The following VTCN1 variants were observed in gnomAD, a reference collection of about 807,000 sequenced individuals.
VTCN1 encodes the protein V-set domain containing T cell activation inhibitor 1.
A neutral mutation model predicts 26.5 loss-of-function variants in VTCN1; 26 were observed. That is an observed-to-expected ratio of 0.98 (90% CI 0.72 to 1.36). The LOEUF (loss-of-function observed/expected upper bound fraction) is 1.36. VTCN1 is among the 40% of genes most tolerant of loss of function. The pLI is 0.00. For missense variants in VTCN1, 298 were observed against 337.7 expected, an observed-to-expected ratio of 0.88 and a Z score of 0.92; for synonymous variants, 116 against 130.7, an observed-to-expected ratio of 0.89 and a Z score of 0.77.
chr1:117,166,955 T>G (rs970526700), intron 2 of VTCN1, among the ~76,000 whole-genome samples: 22 of 151,854 alleles, frequency 1.4e-4, no homozygotes, highest in Non-Finnish European at 5.9e-5. Context: ...TAGCCAGGTG[T>G]GGTGGTGCAC....
chr1:117,156,551 ATC>A (rs1557861716), intron 3 of VTCN1, 21 bp downstream of exon 3: 1 of 1,530,854 alleles, frequency 6.5e-7, no homozygotes. Context: ...GCTTTAAAAA[ATC>A]TCTCTCCAAA....
intron 2 of VTCN1, 39 bp downstream of exon 2, chr1:117,170,068 A>G (rs1462838577): frequency 1.9e-6 from 3 of 1,576,004 alleles, no homozygotes; most frequent in Admixed American, 1.7e-5. Context: ...TTTAATGGTG[A>G]GGGGTGAATA....
At chr1:117,205,886 C>T (rs75515636) in intron 1 of VTCN1, among the ~76,000 whole-genome samples, 341 of 152,102 alleles carry the variant, frequency 2.2e-3, no homozygotes, top group African/African-American at 7.9e-3. Context: ...ATAGTCGCAT[C>T]GCTCCAATTG....
chr1:117,207,278 G>A (rs1362354147), intron 1 of VTCN1, among the ~76,000 whole-genome samples: 1 of 152,098 alleles, frequency 6.6e-6, no homozygotes, highest in Non-Finnish European at 1.5e-5. Context: ...CCTGTGACAT[G>A]TTTTTATCAA....
chr1:117,191,979 A>G (rs1648267062), intron 1 of VTCN1, among the ~76,000 whole-genome samples: 1 of 151,374 alleles, frequency 6.6e-6, no homozygotes. Flanking sequence ...AGGGAAATGT[A>G]GTAGTTGAAA....
intron 1 of VTCN1, among the ~76,000 whole-genome samples, chr1:117,173,017 T>A (rs1162787682): frequency 6.6e-6 from 1 of 152,208 alleles, no homozygotes; most frequent in Non-Finnish European, 1.5e-5. Flanking sequence ...CAGTAAATCT[T>A]GCTGCTGCTC....
intron 4 of VTCN1, among the ~76,000 whole-genome samples, chr1:117,151,168 G>C (rs986915787): frequency 6.6e-6 from 1 of 151,510 alleles, no homozygotes; most frequent in Non-Finnish European, 1.5e-5. Flanking sequence ...GTGTAAGTGT[G>C]AGCCACCATG....
At chr1:117,165,019 T>G (rs1490363251) in intron 2 of VTCN1, among the ~76,000 whole-genome samples, 1 of 152,242 alleles carries the variant, frequency 6.6e-6, no homozygotes, top group African/African-American at 2.4e-5. Flanking sequence ...TTTCTTTCTG[T>G]ATTGGGGAAA....
chr1:117,170,392 C>T (rs573166337), intron 1 of VTCN1: 1 of 634,794 alleles, frequency 1.6e-6, no homozygotes, highest in Admixed American at 2.0e-5. Flanking sequence ...AAAAGAGTGA[C>T]CCTTGCCTCT....
chr1:117,184,604 C>A (rs1054965842), intron 1 of VTCN1, among the ~76,000 whole-genome samples: 2 of 152,112 alleles, frequency 1.3e-5, no homozygotes, highest in African/African-American at 4.8e-5. Context: ...ATACTTACAG[C>A]ATATTTCTGA....
intron 1 of VTCN1, among the ~76,000 whole-genome samples, chr1:117,182,365 A>G (rs2101558212): frequency 6.6e-6 from 1 of 152,300 alleles, no homozygotes; most frequent in East Asian, 1.9e-4. Context: ...GCTGGGACCT[A>G]CATTCTCATA....
At chr1:117,172,461 A>AC (rs1271652826) in intron 1 of VTCN1, 1 of 518,728 alleles carries the variant, frequency 1.9e-6, no homozygotes, top group Admixed American at 1.9e-5. Context: ...ACAGCTAGAT[A>AC]AAGTCATAGC....
At chr1:117,188,019 G>C (rs957153779) in intron 1 of VTCN1, among the ~76,000 whole-genome samples, 2 of 152,160 alleles carry the variant, frequency 1.3e-5, no homozygotes, top group East Asian at 1.9e-4. Flanking sequence ...GGTAGGAAAA[G>C]ATTTGGGAAG....
At chr1:117,166,654 C>CAA (rs34933727) in intron 2 of VTCN1, among the ~76,000 whole-genome samples, 5 of 73,112 alleles carry the variant, frequency 6.8e-5, no homozygotes, top group African/African-American at 1.0e-4. Flanking sequence ...TACTCTGTCT[C>CAA]AAAAAAAAAA....
intron 1 of VTCN1, among the ~76,000 whole-genome samples, chr1:117,182,049 C>T (rs942195696): frequency 2.0e-5 from 3 of 152,328 alleles, no homozygotes; most frequent in South Asian, 4.1e-4. Flanking sequence ...CTGGCTGCTT[C>T]TCGGAAAGCC....
chr1:117,150,815 C>T (rs1358190570), intron 4 of VTCN1, among the ~76,000 whole-genome samples: 1 of 152,202 alleles, frequency 6.6e-6, no homozygotes, highest in East Asian at 1.9e-4. Flanking sequence ...CACCATTCTA[C>T]TTTCTGTTTC....
chr1:117,147,645 T>G lies in VTCN1; in HGVS notation c.*13A>C, dbSNP rs1452603523. The G allele has an allele frequency of 1.2e-6, 2 of 1,608,932 alleles. No individual in the cohort carries two copies. Among genetic ancestry groups the G allele is most frequent in the African/African-American group, 2.7e-5 (2 of 74,518 alleles). On this transcript the variant is annotated 3_prime_UTR_variant, in exon 5 of 6. Transcript: ENST00000369458. This position sits in a 1 kb window ranked among gnomAD's most constrained non-coding sequence, Gnocchi z 4.6. ...AACAATGACTTTGCATGCTTTTTTG[T>G]GGCCGAGGCACATTATTTTAGCATC... is the stretch of plus-strand genomic sequence containing the variant.
intron 4 of VTCN1, among the ~76,000 whole-genome samples, chr1:117,152,111 C>T (rs1261102896): frequency 6.6e-6 from 1 of 152,078 alleles, no homozygotes; most frequent in Non-Finnish European, 1.5e-5. Flanking sequence ...TGGATTGAAA[C>T]CCCTTAAAAT....
At chr1:117,206,853 C>T (rs534140994) in intron 1 of VTCN1, among the ~76,000 whole-genome samples, 106 of 152,160 alleles carry the variant, frequency 7.0e-4, no homozygotes, top group Non-Finnish European at 1.2e-3. Flanking sequence ...GGAGCAGGAA[C>T]ACAGGTGCCA....
Sources: allele counts gnomAD v4.1 joint callset (sites outside exome capture counted in the v4.1 genomes callset), GRCh38; gene constraint gnomAD v4.1.1; non-coding constraint Gnocchi (gnomAD v3.1); transcripts MANE v1.5; gene names NCBI Gene and HGNC (gene_info 2026-07-23, HGNC 2026-07-21).